PEX26: variants seen among roughly 807,000 people sequenced by gnomAD.
PEX26 encodes peroxisomal biogenesis factor 26.
In PEX26, 18 loss-of-function variants were observed where a neutral mutation model predicts 31.4. The ratio of observed to expected loss-of-function variants is 0.57; its 90% CI spans 0.40 to 0.85. The LOEUF is 0.85. Among genes scored for constraint, PEX26 ranks in the 40% least tolerant of loss-of-function variants. PEX26 has a pLI of 0.00. For synonymous variants in PEX26, 176 were observed against 166.9 expected (o/e 1.05, Z -0.42); for missense variants, 377 against 383.9 (o/e 0.98, Z 0.15).
Position 18,093,812 on chromosome 22 carries a change from G to A in PEX26, c.*5737G>A, listed in dbSNP as rs901121237. 1 of 152,214 alleles carries A rather than the reference G, an allele frequency of 6.6e-6. No homozygotes were observed. The highest frequency in any genetic ancestry group is 2.4e-5 in the African/African-American group (1 of 41,448). 9.4% of individuals were successfully genotyped at this position (152,214 alleles called of 1,614,324 possible). A position where few individuals can be genotyped will look rare whatever the true frequency, so the allele number is the denominator to read the frequency against. On this transcript the variant is annotated 3_prime_UTR_variant, in exon 5 of 5. Coordinates refer to ENST00000399744, the MANE Select transcript of PEX26 (RefSeq NM_001127649.3). ...TGGCAGCCCATGCACTTGAGAACCT[G>A]TAGAAAATGGCAGTGTGCAACCAGC...
chr22:18,103,347 AC>A lies in PEX26; in HGVS notation c.*15273del, dbSNP rs1179794907. 2.0e-5 allele frequency: 3 copies of A among 152,098 alleles called. No homozygotes were observed. Among genetic ancestry groups the A allele is most frequent in the Non-Finnish European group, 4.4e-5 (3 of 68,018 alleles). 9.4% of individuals were successfully genotyped at this position (152,098 alleles called of 1,614,324 possible). A position where few individuals can be genotyped will look rare whatever the true frequency, so the allele number is the denominator to read the frequency against. ...TTCTCAACACATAGAAATGAGAAAT[AC>A]TCAAGGTCATGGGTATCCTGGATAC... On this transcript the variant is annotated 3_prime_UTR_variant, in exon 5 of 5. Coordinates refer to ENST00000399744, the MANE Select transcript of PEX26 (RefSeq NM_001127649.3).
chr22:18,083,758 C>A, intron 3 of PEX26, 26 bp downstream of exon 3: 1 of 1,611,048 alleles, frequency 6.2e-7, no homozygotes, highest in East Asian at 2.2e-5. Flanking sequence ...TCTGCGACCT[C>A]TGTAAAGTGG....
rs1203452971 is a variant in PEX26 at position 18,102,426 on chromosome 22, G to T, written c.*14351G>T. 1 of 154,534 alleles carries T rather than the reference G, an allele frequency of 6.5e-6. No homozygotes were observed. The allele number at this position is 154,534 out of a possible 1,614,324, so 9.6% of individuals were successfully genotyped here. On this transcript the variant is annotated 3_prime_UTR_variant, in exon 5 of 5. Transcript: ENST00000399744. ...AAGCCAGTGGGCTGGTGACATCCAG[G>T]ATGATCCTCTTCCTTGCCTGGAGGT...
intron 4 of PEX26, among the ~76,000 whole-genome samples, chr22:18,086,286 C>G (rs1380409040): frequency 6.6e-6 from 1 of 151,024 alleles, no homozygotes; most frequent in South Asian, 2.1e-4. Flanking sequence ...GCTACAAGAG[C>G]GAAACTCTGT....
At chr22:18,079,106 A>C in intron 1 of PEX26, 1 of 524,384 alleles carries the variant, frequency 1.9e-6, no homozygotes, top group South Asian at 8.2e-5. Flanking sequence ...AGGCCGAGGC[A>C]GGAGGATTGC....
intron 3 of PEX26, among the ~76,000 whole-genome samples, chr22:18,084,275 C>T (rs975398905): frequency 3.5e-5 from 5 of 143,046 alleles, no homozygotes; most frequent in Non-Finnish European, 4.5e-5. Flanking sequence ...GACGGAGTCT[C>T]GCTCTGTCGC....
At chr22:18,081,183 G>A in intron 2 of PEX26, among the ~76,000 whole-genome samples, 1 of 148,190 alleles carries the variant, frequency 6.7e-6, no homozygotes, top group African/African-American at 2.5e-5. Context: ...ATATGCGTGT[G>A]TGTATATATA....
At chr22:18,078,713 C>G (rs1039289472) in intron 1 of PEX26, 107 bp downstream of exon 1, 8 of 1,004,210 alleles carry the variant, frequency 8.0e-6, no homozygotes, top group Non-Finnish European at 1.2e-5. Context: ...AGCTTTACAC[C>G]TCGCTTTCAT....
rs467712 is a variant in PEX26, at chr22:18,097,058, C to T, written c.*8983C>T. 81,284 of 151,888 alleles carry T rather than the reference C, an allele frequency of 0.54. 23,148 individuals carry two copies. The highest frequency in any genetic ancestry group is 0.64 in the Non-Finnish European group (43,816 of 67,966). 9.4% of individuals were successfully genotyped at this position (151,888 alleles called of 1,614,324 possible). ...GCCACACTTTAAAACCATCAGAACTCGTGAGAACTGACTCACTATCACAAG... is the reference window on the plus strand; with the variant it reads ...GCCACACTTTAAAACCATCAGAACTTGTGAGAACTGACTCACTATCACAAG... On this transcript the variant is annotated 3_prime_UTR_variant, in exon 5 of 5. Coordinates refer to ENST00000399744, the MANE Select transcript of PEX26 (RefSeq NM_001127649.3).
Position 18,088,324 on chromosome 22 carries a change from G to A in PEX26, c.*249G>A, listed in dbSNP as rs983851084. ...AGAACAGTGCCCCGGATGACCAGAGGCCCCTTGAAAAGGAGGGGTTTGGGG... is the reference window on the plus strand; with the variant it reads ...AGAACAGTGCCCCGGATGACCAGAGACCCCTTGAAAAGGAGGGGTTTGGGG... On this transcript the variant is annotated 3_prime_UTR_variant, in exon 5 of 5. Coordinates refer to ENST00000399744, the MANE Select transcript of PEX26 (RefSeq NM_001127649.3). The surrounding 1 kb of genome is among the most constrained non-coding windows in gnomAD (Gnocchi z 4.1). 6.4e-6 allele frequency: 4 copies of A among 625,240 alleles called. No homozygotes were observed. Among genetic ancestry groups the A allele is most frequent in the Middle Eastern group, 2.9e-4 (1 of 3,466 alleles). 38.7% of individuals were successfully genotyped at this position (625,240 alleles called of 1,614,324 possible).
rs546515583 is a variant in PEX26, at chr22:18,078,702, G to T, written c.230+96G>T. The T allele has an allele frequency of 3.6e-6, 4 of 1,101,542 alleles. No individual in the cohort carries two copies. The Admixed American group carries it at 7.9e-5, about 22-fold the overall frequency. The allele number at this position is 1,101,542 out of a possible 1,614,324, so 68.2% of individuals were successfully genotyped here. On this transcript the variant is annotated intron_variant, in intron 1 of 4. Transcript: ENST00000399744. The stretch of plus-strand genomic sequence containing the variant: ...CTGTCCTTCCCAGATTGCCCACAAG[G>T]AGCTTTACACCTCGCTTTCATCAGT...
chr22:18,103,572 A>C lies in PEX26; in HGVS notation c.*15497A>C, dbSNP rs1927524383. 1 of 152,322 alleles carries C rather than the reference A, an allele frequency of 6.6e-6. No individual in the cohort carries two copies. The highest frequency in any genetic ancestry group is 2.4e-5 in the African/African-American group (1 of 41,434). The allele number at this position is 152,322 out of a possible 1,614,324, so 9.4% of individuals were successfully genotyped here. A position where few individuals can be genotyped will look rare whatever the true frequency, so the allele number is the denominator to read the frequency against. Reference sequence around the variant, plus strand: ...TGTCATCCATGATAATGTGTACTATATATCCAACCACAACATCAAATTCTG... The same window carrying C: ...TGTCATCCATGATAATGTGTACTATCTATCCAACCACAACATCAAATTCTG... On this transcript the variant is annotated 3_prime_UTR_variant, in exon 5 of 5. Coordinates refer to ENST00000399744, the MANE Select transcript of PEX26 (RefSeq NM_001127649.3).
Position 18,095,726 on chromosome 22 carries a change from A to G in PEX26, c.*7651A>G, listed in dbSNP as rs1927271265. 6.7e-6 allele frequency: 1 copy of G among 149,968 alleles called. No homozygotes were observed. The highest frequency in any genetic ancestry group is 2.1e-4 in the South Asian group (1 of 4,772). 9.3% of individuals were successfully genotyped at this position (149,968 alleles called of 1,614,324 possible). A position where few individuals can be genotyped will look rare whatever the true frequency, so the allele number is the denominator to read the frequency against. ...AGCCTTTTTTTTTTTTTTTTTGAGA[A>G]ACAAGGCCTAACCCCAATGGAGTAA... On this transcript the variant is annotated 3_prime_UTR_variant, in exon 5 of 5. Transcript: ENST00000399744.
intron 2 of PEX26, among the ~76,000 whole-genome samples, chr22:18,082,459 G>A (rs1488659623): frequency 1.3e-5 from 2 of 152,196 alleles, no homozygotes; most frequent in Non-Finnish European, 2.9e-5. Context: ...TTATTAAAGA[G>A]ACTGTCTTTT....
chr22:18,087,971 G>C lies in PEX26; in HGVS notation c.815-1G>C. ...CACTGTAGTCTCCCTCTGCCCTGCA[G>C]CTTCCCCTTCCTCCCTGCACTTCCT... On this transcript the variant is annotated splice_acceptor_variant, in intron 4 of 4. Transcript: ENST00000399744. LOFTEE classifies it high-confidence loss of function. 6.2e-7 allele frequency: 1 copy of C among 1,607,882 alleles called. No individual in the cohort carries two copies. The highest frequency in any genetic ancestry group is 8.5e-7 in the Non-Finnish European group (1 of 1,174,566).
rs1569188578 is a variant in PEX26 at position 18,085,221 on chromosome 22, C to T, written c.777C>T (p.Ala259=). ...CCTTCAAAAAGAGTCTCCTGGCTGC[C>T]TTGATCCTCTGTCTCCTGGTGGTGA... The part of the protein sequence containing the change: ...SLPFKKSLLA[A]LILCLLVVRF... Residue 259 remains alanine, a synonymous_variant, in exon 4 of 5, where the codon GCC becomes GCT. Coordinates refer to ENST00000399744, the MANE Select transcript of PEX26 (RefSeq NM_001127649.3). The T allele has an allele frequency of 1.1e-5, 18 of 1,614,160 alleles. No homozygotes were observed. The highest frequency in any genetic ancestry group is 1.4e-5 in the Non-Finnish European group (17 of 1,180,012).
In PEX26 at chr22:18,101,292, G is replaced by C. The variant is rs1056196416; in HGVS notation, c.*13217G>C. 1.3e-5 allele frequency: 2 copies of C among 152,030 alleles called. No individual in the cohort carries two copies. The highest frequency in any genetic ancestry group is 2.4e-5 in the African/African-American group (1 of 41,368). The allele number at this position is 152,030 out of a possible 1,614,324, so 9.4% of individuals were successfully genotyped here. On this transcript the variant is annotated 3_prime_UTR_variant, in exon 5 of 5. Transcript: ENST00000399744. ...TACAGCCAAGACTAGCTTTGATCCT[G>C]GGAGATTCAGAAACCTCAAGATGGG...
At chr22:18,087,043 A>G (rs1384328811) in intron 4 of PEX26, among the ~76,000 whole-genome samples, 1 of 151,370 alleles carries the variant, frequency 6.6e-6, no homozygotes, top group African/African-American at 2.4e-5. Flanking sequence ...CTCCCAAGTA[A>G]CTGGGACTAC....
rs1333144951 is a variant in PEX26, at chr22:18,093,773, A to C, written c.*5698A>C. The C allele has an allele frequency of 6.6e-6, 1 of 152,194 alleles. No homozygotes were observed. Among genetic ancestry groups the C allele is most frequent in the Non-Finnish European group, 1.5e-5 (1 of 68,032 alleles). The allele number at this position is 152,194 out of a possible 1,614,324, so 9.4% of individuals were successfully genotyped here. A position where few individuals can be genotyped will look rare whatever the true frequency, so the allele number is the denominator to read the frequency against. ...CCATTTCTATTAAAAATAAATGTAA[A>C]CACCCAACCCTCTTGGCAGCCCATG... On this transcript the variant is annotated 3_prime_UTR_variant, in exon 5 of 5. Coordinates refer to ENST00000399744, the MANE Select transcript of PEX26 (RefSeq NM_001127649.3).
Sources: gnomAD v4.1 joint callset for allele counts (sites outside exome capture counted in the v4.1 genomes callset) on GRCh38, gnomAD v4.1.1 for gene constraint, Gnocchi (gnomAD v3.1) non-coding constraint, MANE v1.5 for transcripts, NCBI Gene and HGNC (gene_info 2026-07-23, HGNC 2026-07-21) for gene names.